MXD4: variants seen among roughly 807,000 people sequenced by gnomAD.
MXD4 encodes Mad4 homolog.
In MXD4, 16 loss-of-function variants were observed where a neutral mutation model predicts 24.5. That is an observed-to-expected ratio of 0.65 (90% CI 0.44 to 0.99). MXD4 has a LOEUF of 0.99. Ranked by LOEUF, MXD4 falls within the 50% of genes least tolerant of loss-of-function variation. MXD4 has a pLI of 0.00. For missense variants in MXD4, 301 were observed against 301.5 expected (o/e 1.00, Z 0.01); for synonymous variants, 164 against 134.2 (o/e 1.22, Z -1.54).
intron 5 of MXD4, 130 bp downstream of exon 5, chr4:2,250,954 A>AC (rs1198425388): frequency 8.1e-7 from 1 of 1,237,700 alleles, no homozygotes; most frequent in Non-Finnish European, 1.1e-6. Flanking sequence ...ACAAACACAC[A>AC]CCCCAGTGCA....
At chr4:2,261,185 G>C (rs77324180) in intron 2 of MXD4, among the ~76,000 whole-genome samples, 1 of 152,218 alleles carries the variant, frequency 6.6e-6, no homozygotes, top group Non-Finnish European at 1.5e-5. Flanking sequence ...GGAGGAGTGA[G>C]GGCCCAGGAC....
rs941802629 is a variant in MXD4, at chr4:2,248,913, G to T, written c.*1631C>A. 1.3e-5 allele frequency: 2 copies of T among 152,394 alleles called. No homozygotes were observed. Among genetic ancestry groups the T allele is most frequent in the African/African-American group, 4.8e-5 (2 of 41,472 alleles). The allele number at this position is 152,394 out of a possible 1,614,324, so 9.4% of individuals were successfully genotyped here. A position where few individuals can be genotyped will look rare whatever the true frequency, so the allele number is the denominator to read the frequency against. ...GCGGGTGCAAGCCTCCTGGTGCCAGGCCTGCACCACCCAGCGAGCACAGTC... is the reference window on the plus strand; with the variant it reads ...GCGGGTGCAAGCCTCCTGGTGCCAGTCCTGCACCACCCAGCGAGCACAGTC... On this transcript the variant is annotated 3_prime_UTR_variant, in exon 6 of 6. Transcript: ENST00000337190.
At chr4:2,260,703 C>G (rs2108791974) in intron 2 of MXD4, 2 of 406,714 alleles carry the variant, frequency 4.9e-6, no homozygotes, top group Middle Eastern at 3.5e-4. Flanking sequence ...TCGCCTGGCT[C>G]AGGATGCCAC....
rs2233042 is a variant in MXD4 at position 2,251,118 on chromosome 4, C to T, written c.438G>A (p.Thr146=). 62,915 of 1,589,758 alleles carry T rather than the reference C, an allele frequency of 0.04. 1,343 individuals carry two copies. Among genetic ancestry groups the T allele is most frequent in the Middle Eastern group, 0.069 (359 of 5,226 alleles). The stretch of plus-strand genomic sequence containing the variant: ...AGTCGTCCGTGGAGACAGCAGAGCC[C>T]GTGCTATCTGTGCGCACGCGCTCCA... ...QSVERVRTDS[T]GSAVSTDDSE... Residue 146 remains threonine, a synonymous_variant, in exon 5 of 6, where the codon ACG becomes ACA. Transcript: ENST00000337190.
In MXD4 at chr4:2,254,499, A is replaced by G. The variant is rs538250411; in HGVS notation, c.195-1977T>C. The stretch of plus-strand genomic sequence containing the variant: ...TCCAGGTTTTCTACGCTTAAAAAAA[A>G]ACACACACAGACATTGCTGTGACAA... On this transcript the variant is annotated intron_variant, in intron 3 of 5. Transcript: ENST00000337190. 2.6e-5 allele frequency: 4 copies of G among 152,266 alleles called. No homozygotes were observed. The South Asian group carries it at 8.3e-4, about 31-fold the overall frequency. The allele number at this position is 152,266 out of a possible 1,614,324, so 9.4% of individuals were successfully genotyped here.
In MXD4 at chr4:2,249,895, A is replaced by C. The variant is rs1395845437; in HGVS notation, c.*649T>G. On this transcript the variant is annotated 3_prime_UTR_variant, in exon 6 of 6. Coordinates refer to ENST00000337190, the MANE Select transcript of MXD4 (RefSeq NM_006454.3). Reference sequence around the variant, plus strand: ...AGGTGCGTGCGCGTGTGCGTCTGACAGTCCTACCAGAGCAGACGCTGCCCA... The same window carrying C: ...AGGTGCGTGCGCGTGTGCGTCTGACCGTCCTACCAGAGCAGACGCTGCCCA... 1 of 153,426 alleles carries C rather than the reference A, an allele frequency of 6.5e-6. No individual in the cohort carries two copies. The highest frequency in any genetic ancestry group is 1.9e-4 in the East Asian group (1 of 5,196). The allele number at this position is 153,426 out of a possible 1,614,324, so 9.5% of individuals were successfully genotyped here. A position where few individuals can be genotyped will look rare whatever the true frequency, so the allele number is the denominator to read the frequency against.
chr4:2,253,210 G>C (rs561358267), intron 3 of MXD4: 1 of 152,466 alleles, frequency 6.6e-6, no homozygotes, highest in East Asian at 1.9e-4. Flanking sequence ...GGCACCTCAG[G>C]AGAGGGGCCC....
chr4:2,251,499 C>G (rs538768325), intron 4 of MXD4, among the ~76,000 whole-genome samples: 112 of 152,354 alleles, frequency 7.4e-4, no homozygotes, highest in Non-Finnish European at 1.0e-3. Flanking sequence ...CGGCCCAGCT[C>G]TAATACCCGC....
intron 3 of MXD4, chr4:2,254,893 ACAGGTCTGAAGGGC>A (rs1735394791): frequency 5.7e-6 from 1 of 175,256 alleles, no homozygotes; most frequent in African/African-American, 2.4e-5. Flanking sequence ...AAAAGGGGAC[ACAGGTCTGAAGGGC>A]CATCGATACA....
chr4:2,261,040 A>G (rs1735529744), intron 2 of MXD4, among the ~76,000 whole-genome samples: 1 of 152,206 alleles, frequency 6.6e-6, no homozygotes, highest in African/African-American at 2.4e-5. Context: ...TAACGACTTC[A>G]TGGGGCCCCT....
rs767539762 is a variant in MXD4 at position 2,250,431 on chromosome 4, CCAGAATGGCA to C, written c.*103_*112del. 5.7e-3 allele frequency: 7,554 copies of C among 1,320,314 alleles called. 16 individuals are homozygous for C. Among genetic ancestry groups the C allele is most frequent in the Middle Eastern group, 9.8e-3 (36 of 3,676 alleles). The allele number at this position is 1,320,314 out of a possible 1,614,324, so 81.8% of individuals were successfully genotyped here. On this transcript the variant is annotated 3_prime_UTR_variant, in exon 6 of 6. Transcript: ENST00000337190. ...GGCAGCCCAGCAGCAGCTGGAGCTT[CCAGAATGGCA>C]CAGCAGTGGGCCTGTGGAGAGGCTG...
At position 2,261,828 on chromosome 4, in the gene MXD4, C is replaced by A; in HGVS notation, c.65-4G>T. ...GAGGCGTAGCCGTGCTCGGCCTCTG[C>A]GGACACACGGCGCGGTCAGCGGCCC... On this transcript the variant is annotated splice_region_variant and splice_polypyrimidine_tract_variant and intron_variant, in intron 1 of 5. Transcript: ENST00000337190. The A allele has an allele frequency of 7.3e-7, 1 of 1,374,996 alleles. No individual in the cohort carries two copies. Among genetic ancestry groups the A allele is most frequent in the South Asian group, 1.5e-5 (1 of 65,728 alleles). The allele number at this position is 1,374,996 out of a possible 1,614,324, so 85.2% of individuals were successfully genotyped here.
chr4:2,249,401 G>A lies in MXD4; in HGVS notation c.*1143C>T, dbSNP rs28402846. 29,650 of 151,992 alleles carry A rather than the reference G, an allele frequency of 0.2. 4,051 individuals are homozygous for A. Among genetic ancestry groups the A allele is most frequent in the African/African-American group, 0.37 (15,164 of 41,320 alleles). 9.4% of individuals were successfully genotyped at this position (151,992 alleles called of 1,614,324 possible). ...TACAGGAAACAGAGGCGGCACACAC[G>A]GACGTCCCTAGGCCGAGAGTCTTTA... On this transcript the variant is annotated 3_prime_UTR_variant, in exon 6 of 6. Transcript: ENST00000337190.
intron 2 of MXD4, 95 bp downstream of exon 2, chr4:2,261,630 G>A (rs940160551): frequency 1.4e-6 from 1 of 704,806 alleles, no homozygotes; most frequent in African/African-American, 2.0e-5. Context: ...CGGCGCTGAG[G>A]GCCGCGGGCC....
At chr4:2,259,035 C>T (rs1480005567) in intron 2 of MXD4, 1 of 448,278 alleles carries the variant, frequency 2.2e-6, no homozygotes, top group East Asian at 7.1e-5. Flanking sequence ...CCAGCCAGGG[C>T]TCCCGGGCCT....
Position 2,261,993 on chromosome 4 carries a change from GCCCGTCCGCCCC to G in MXD4, c.-25_-14del. The G allele has an allele frequency of 1.3e-5, 17 of 1,296,152 alleles. No individual in the cohort carries two copies. The highest frequency in any genetic ancestry group is 1.7e-5 in the Non-Finnish European group (17 of 1,014,956). 80.3% of individuals were successfully genotyped at this position (1,296,152 alleles called of 1,614,324 possible). ...AGTTCAGCTCCATCCTCCCGCCCGC[GCCCGTCCGCCCC>G]GGGACGGCGGCGGCCGCTGCCCGGC... On this transcript the variant is annotated 5_prime_UTR_variant, in exon 1 of 6. Coordinates refer to ENST00000337190, the MANE Select transcript of MXD4 (RefSeq NM_006454.3).
intron 2 of MXD4, among the ~76,000 whole-genome samples, chr4:2,259,815 G>A (rs1225769289): frequency 6.6e-6 from 1 of 152,100 alleles, no homozygotes; most frequent in Non-Finnish European, 1.5e-5. Context: ...CAGCATTCCC[G>A]TGACCCCAGG....
rs1190942730 is a variant in MXD4 at position 2,249,405 on chromosome 4, G to A, written c.*1139C>T. 1 of 152,068 alleles carries A rather than the reference G, an allele frequency of 6.6e-6. No individual in the cohort carries two copies. The highest frequency in any genetic ancestry group is 1.5e-5 in the Non-Finnish European group (1 of 67,992). 9.4% of individuals were successfully genotyped at this position (152,068 alleles called of 1,614,324 possible). On this transcript the variant is annotated 3_prime_UTR_variant, in exon 6 of 6. Transcript: ENST00000337190. Reference sequence around the variant, plus strand: ...GGAAACAGAGGCGGCACACACGGACGTCCCTAGGCCGAGAGTCTTTAGGCT... The same window carrying A: ...GGAAACAGAGGCGGCACACACGGACATCCCTAGGCCGAGAGTCTTTAGGCT...
intron 3 of MXD4, among the ~76,000 whole-genome samples, chr4:2,256,812 A>C (rs1735440913): frequency 6.6e-6 from 1 of 151,780 alleles, no homozygotes; most frequent in Admixed American, 6.6e-5. Context: ...CCCTCCCCCA[A>C]TGTCACTGCC....
Sources: allele counts gnomAD v4.1 joint callset (sites outside exome capture counted in the v4.1 genomes callset), GRCh38; gene constraint gnomAD v4.1.1; transcripts MANE v1.5; gene names NCBI Gene and HGNC (gene_info 2026-07-23, HGNC 2026-07-21).